Variants in LHFPL3 observed in about 807,000 individuals in gnomAD.
LHFPL3 encodes LHFPL tetraspan subfamily member 3.
In LHFPL3, 5 loss-of-function variants were observed where a neutral mutation model predicts 19.3. The ratio of observed to expected loss-of-function variants is 0.26; its 90% CI spans 0.14 to 0.54. The LOEUF (loss-of-function observed/expected upper bound fraction) is 0.54. Ranked by LOEUF, LHFPL3 falls within the 20% of genes least tolerant of loss-of-function variation. The probability of loss-of-function intolerance (pLI) is 0.94; values close to 1 mark genes in which losing one functional copy is unlikely to be tolerated. For missense variants in LHFPL3, 249 were observed against 307.4 expected (o/e 0.81, Z 1.42); for synonymous variants, 133 against 126.2 (o/e 1.05, Z -0.36).
chr7:104,535,066 C>T (rs902390011), intron 1 of LHFPL3, among the ~76,000 whole-genome samples: 1 of 152,154 alleles, frequency 6.6e-6, no homozygotes, highest in Non-Finnish European at 1.5e-5. Context: ...CTCTTTCTGT[C>T]ATGTTTTTGG....
intron 1 of LHFPL3, among the ~76,000 whole-genome samples, chr7:104,396,925 G>A (rs1460158158): frequency 6.6e-6 from 1 of 151,978 alleles, no homozygotes; most frequent in Non-Finnish European, 1.5e-5. Flanking sequence ...AGCCGAGATC[G>A]CAACATTGCA....
chr7:104,444,595 T>G (rs1792291590), intron 1 of LHFPL3, among the ~76,000 whole-genome samples: 1 of 152,212 alleles, frequency 6.6e-6, no homozygotes, highest in Non-Finnish European at 1.5e-5. Context: ...CAAATTACAG[T>G]CACTATATTT....
chr7:104,812,761 A>G (rs1358557558), intron 2 of LHFPL3, among the ~76,000 whole-genome samples: 3 of 129,878 alleles, frequency 2.3e-5, no homozygotes, highest in African/African-American at 8.8e-5. Context: ...CGAAGATCGC[A>G]CCACTGCACT....
chr7:104,804,257 T>G (rs1004005052), intron 2 of LHFPL3: 1 of 152,256 alleles, frequency 6.6e-6, no homozygotes, highest in Non-Finnish European at 1.5e-5. Context: ...TTAAGTCACT[T>G]TTCGACATCT....
chr7:104,649,929 C>G (rs907262105), intron 1 of LHFPL3, among the ~76,000 whole-genome samples: 4 of 152,192 alleles, frequency 2.6e-5, no homozygotes, highest in African/African-American at 9.7e-5. Flanking sequence ...CTCATCTCAT[C>G]TAAGATCTAC....
intron 1 of LHFPL3, among the ~76,000 whole-genome samples, chr7:104,386,286 A>C (rs1790941054): frequency 6.6e-6 from 1 of 152,204 alleles, no homozygotes; most frequent in South Asian, 2.1e-4. Context: ...TTCACAGGGA[A>C]TTGTCATTAT....
chr7:104,422,362 A>AAACAACAAC (rs139661329), intron 1 of LHFPL3, among the ~76,000 whole-genome samples: 20,486 of 151,598 alleles, frequency 0.14, 2,425 homozygotes, highest in African/African-American at 0.32. Flanking sequence ...CTCTGTCTCA[A>AAACAACAAC]AACAACAACA....
intron 2 of LHFPL3, among the ~76,000 whole-genome samples, chr7:104,881,581 GA>G (rs1026268824): frequency 6.6e-6 from 1 of 152,186 alleles, no homozygotes; most frequent in African/African-American, 2.4e-5. Context: ...AATGAACAAA[GA>G]AAGTGGTTTC....
intron 2 of LHFPL3, among the ~76,000 whole-genome samples, chr7:104,782,735 A>T (rs1225686084): frequency 1.3e-5 from 2 of 152,208 alleles, no homozygotes; most frequent in Non-Finnish European, 2.9e-5. Flanking sequence ...ATAGCCAACT[A>T]GGTCCTTTGT....
rs117793616 is a variant in LHFPL3 at position 104,905,108 on chromosome 7, C to T, written c.683-1079C>T. Among the ~76,000 whole-genome samples the T allele has an allele frequency of 2.6e-3, 396 of 152,086 alleles. 10 individuals are homozygous for T. The East Asian group carries it at 0.035, about 13-fold the overall frequency. On this transcript the variant is annotated intron_variant, in intron 2 of 2. Transcript: ENST00000424859. ...GTAGCTGGGACTACAGGCGCACCAC[C>T]ACACTCGGCTAATTTTTGTATGTTT... is the stretch of plus-strand genomic sequence containing the variant.
chr7:104,551,716 T>C (rs949482336), intron 1 of LHFPL3, among the ~76,000 whole-genome samples: 2 of 152,084 alleles, frequency 1.3e-5, no homozygotes, highest in Non-Finnish European at 2.9e-5. Flanking sequence ...AATTTGGCCA[T>C]CCTACTTAAA....
intron 2 of LHFPL3, among the ~76,000 whole-genome samples, chr7:104,824,997 A>G (rs972364698): frequency 1.3e-5 from 2 of 148,616 alleles, no homozygotes; most frequent in Admixed American, 1.4e-4. Flanking sequence ...CCTTCTTTGA[A>G]TTATGCATGC....
chr7:104,578,500 T>C (rs1790390138), intron 1 of LHFPL3, among the ~76,000 whole-genome samples: 1 of 152,110 alleles, frequency 6.6e-6, no homozygotes, highest in South Asian at 2.1e-4. Context: ...CCTGAAAAAA[T>C]TTTAAAGACT....
intron 2 of LHFPL3, among the ~76,000 whole-genome samples, chr7:104,815,406 G>A (rs934392681): frequency 5.3e-5 from 8 of 152,204 alleles, no homozygotes; most frequent in African/African-American, 1.9e-4. Context: ...CCTATTTCTT[G>A]AGCTGGCTGG....
intron 1 of LHFPL3, among the ~76,000 whole-genome samples, chr7:104,413,927 G>A (rs1431804121): frequency 6.6e-6 from 1 of 152,028 alleles, no homozygotes; most frequent in Non-Finnish European, 1.5e-5. Context: ...CGACCCACTG[G>A]CCAGATTAAT....
chr7:104,798,753 A>AT (rs1028995298), intron 2 of LHFPL3, among the ~76,000 whole-genome samples: 1 of 152,150 alleles, frequency 6.6e-6, no homozygotes, highest in African/African-American at 2.4e-5. Context: ...AAAGCTTCAC[A>AT]TTTTTTTAGT....
intron 1 of LHFPL3, among the ~76,000 whole-genome samples, chr7:104,395,482 G>A (rs1014706013): frequency 6.6e-6 from 1 of 152,176 alleles, no homozygotes; most frequent in Non-Finnish European, 1.5e-5. Flanking sequence ...TTGGCAGCCA[G>A]TTTCTTTGCC....
chr7:104,606,958 A>T (rs1439923740), intron 1 of LHFPL3, among the ~76,000 whole-genome samples: 2 of 152,024 alleles, frequency 1.3e-5, no homozygotes, highest in East Asian at 3.9e-4. Context: ...TCAAAACAAA[A>T]CAAAAAAAAA....
At chr7:104,528,410 A>G (rs1033490748) in intron 1 of LHFPL3, among the ~76,000 whole-genome samples, 1 of 152,198 alleles carries the variant, frequency 6.6e-6, no homozygotes, top group Non-Finnish European at 1.5e-5. Context: ...GACTTCAATA[A>G]GAGGAGCTTT....
Sources: gnomAD v4.1 joint callset for allele counts (sites outside exome capture counted in the v4.1 genomes callset) on GRCh38, gnomAD v4.1.1 for gene constraint, MANE v1.5 for transcripts, NCBI Gene and HGNC (gene_info 2026-07-23, HGNC 2026-07-21) for gene names.